The following STPG2 variants were observed in gnomAD, a reference collection of about 807,000 sequenced individuals.
The protein encoded by STPG2 is sperm tail PG-rich repeat containing 2.
In STPG2, 56 loss-of-function variants were observed where a neutral mutation model predicts 54.2. That is an observed-to-expected ratio of 1.03 (90% CI 0.83 to 1.29). The LOEUF (loss-of-function observed/expected upper bound fraction) is 1.29. Among genes scored for constraint, STPG2 ranks in the 50% most tolerant of loss-of-function variants. The pLI, the probability that STPG2 is intolerant of heterozygous loss-of-function variation, is 0.00. For synonymous variants in STPG2, 200 were observed against 181.8 expected (o/e 1.10, Z -0.81); for missense variants, 596 against 544.9 (o/e 1.09, Z -0.93).
At chr4:97,941,579 GA>G (rs1418808298) in intron 8 of STPG2, among the ~76,000 whole-genome samples, 1 of 151,946 alleles carries the variant, frequency 6.6e-6, no homozygotes, top group East Asian at 1.9e-4. Flanking sequence ...TCTTTGATAT[GA>G]AACCAGAAGT....
At chr4:97,488,655 A>T (rs1730429553) in intron 4 of STPG2, among the ~76,000 whole-genome samples, 1 of 151,732 alleles carries the variant, frequency 6.6e-6, no homozygotes, top group Non-Finnish European at 1.5e-5. Flanking sequence ...GCCATTTTCA[A>T]AAACTGGCTT....
chr4:97,928,693 T>C (rs1032556373), intron 8 of STPG2, among the ~76,000 whole-genome samples: 3 of 152,116 alleles, frequency 2.0e-5, no homozygotes, highest in Non-Finnish European at 2.9e-5. Context: ...AAGTTTAATA[T>C]AAGGCCTAAT....
intron 8 of STPG2, among the ~76,000 whole-genome samples, chr4:97,937,811 C>T (rs769386383): frequency 1.1e-4 from 16 of 152,190 alleles, no homozygotes; most frequent in Non-Finnish European, 1.8e-4. Context: ...AGTAGGAACA[C>T]TCCTGTATAT....
At chr4:97,485,988 A>T (rs1417763635) in intron 4 of STPG2, among the ~76,000 whole-genome samples, 2 of 151,910 alleles carry the variant, frequency 1.3e-5, no homozygotes, top group African/African-American at 4.8e-5. Context: ...TTGCCCAGCC[A>T]TATGTAGGAG....
At chr4:98,125,606 T>C (rs34942995) in intron 3 of STPG2, among the ~76,000 whole-genome samples, 2,109 of 152,200 alleles carry the variant, frequency 0.014, 21 homozygotes, top group Non-Finnish European at 0.021. Context: ...GTATGAGGTG[T>C]CTGGCAACCC....
intron 10 of STPG2, among the ~76,000 whole-genome samples, chr4:97,694,769 T>G (rs565243238): frequency 8.5e-6 from 1 of 118,204 alleles, no homozygotes; most frequent in South Asian, 2.9e-4. Context: ...GCCGAGATCA[T>G]GCCACTGTAC....
intron 8 of STPG2, among the ~76,000 whole-genome samples, chr4:97,848,737 C>T (rs980690175): frequency 6.6e-6 from 1 of 151,824 alleles, no homozygotes; most frequent in Admixed American, 6.6e-5. Context: ...GTTTTCCCAG[C>T]ACCATTTATT....
intron 5 of STPG2, among the ~76,000 whole-genome samples, chr4:98,007,615 T>C (rs1399261264): frequency 6.6e-6 from 1 of 151,952 alleles, no homozygotes; most frequent in Non-Finnish European, 1.5e-5. Context: ...CTAACTGAAA[T>C]AAAATTTGTG....
chr4:97,746,785 C>G (rs997197635), intron 9 of STPG2, among the ~76,000 whole-genome samples: 3 of 151,102 alleles, frequency 2.0e-5, no homozygotes, highest in African/African-American at 7.3e-5. Flanking sequence ...CTCTGTGCAC[C>G]TCGAAAGTAT....
intron 4 of STPG2, among the ~76,000 whole-genome samples, chr4:97,454,200 A>C (rs1187911295): frequency 6.6e-6 from 1 of 152,190 alleles, no homozygotes; most frequent in African/African-American, 2.4e-5. Context: ...TTTAGTGTAT[A>C]AGCTGGCATT....
chr4:97,460,039 C>A (rs972332454), intron 4 of STPG2, among the ~76,000 whole-genome samples: 1 of 152,276 alleles, frequency 6.6e-6, no homozygotes, highest in African/African-American at 2.4e-5. Context: ...CCATTCACAT[C>A]ACAATCAGGT....
intron 8 of STPG2, among the ~76,000 whole-genome samples, chr4:97,895,739 G>A (rs1216105386): frequency 1.3e-5 from 2 of 151,680 alleles, no homozygotes; most frequent in Non-Finnish European, 3.0e-5. Flanking sequence ...AGAAACAAAT[G>A]GACTTAAATA....
intron 6 of STPG2, among the ~76,000 whole-genome samples, chr4:97,977,279 A>G (rs1335695398): frequency 2.0e-5 from 3 of 152,230 alleles, no homozygotes; most frequent in Non-Finnish European, 2.9e-5. Flanking sequence ...AGCTATAGCT[A>G]AACTGCTATA....
chr4:97,691,560 C>A (rs1408762083), intron 10 of STPG2, among the ~76,000 whole-genome samples: 1 of 152,114 alleles, frequency 6.6e-6, no homozygotes, highest in Non-Finnish European at 1.5e-5. Flanking sequence ...ACACACCTAA[C>A]CCTGCCTCCA....
chr4:97,967,185 C>CAAAA (rs58042990), intron 7 of STPG2, among the ~76,000 whole-genome samples: 15 of 107,184 alleles, frequency 1.4e-4, no homozygotes, highest in African/African-American at 2.5e-4. Context: ...AAATGGTAAG[C>CAAAA]AAAAAAAAAA....
intron 8 of STPG2, among the ~76,000 whole-genome samples, chr4:97,915,878 T>C (rs952800537): frequency 1.3e-5 from 2 of 152,100 alleles, no homozygotes; most frequent in African/African-American, 4.8e-5. Context: ...AAGATCACCA[T>C]GGCAATAATG....
At chr4:97,612,345 T>C (rs1339639144) in intron 10 of STPG2, among the ~76,000 whole-genome samples, 2 of 151,702 alleles carry the variant, frequency 1.3e-5, no homozygotes, top group African/African-American at 2.4e-5. Context: ...CATTTACTGC[T>C]GGCCAGAAGG....
At position 97,690,667 on chromosome 4, in the gene STPG2, C is replaced by G. The variant is rs144326199; in HGVS notation, c.1320+22032G>C. Among the ~76,000 whole-genome samples the G allele has an allele frequency of 2.8e-3, 421 of 152,138 alleles. 3 individuals carry two copies. Among genetic ancestry groups the G allele is most frequent in the African/African-American group, 9.2e-3 (384 of 41,518 alleles). Reference sequence around the variant, plus strand: ...AGGTGTTCAAGCTTGTTTAAGCAACCCTGGTTGAATATAGGTGCTATTCAT... The same window carrying G: ...AGGTGTTCAAGCTTGTTTAAGCAACGCTGGTTGAATATAGGTGCTATTCAT... On this transcript the variant is annotated intron_variant, in intron 10 of 10. Transcript: ENST00000295268.
intron 8 of STPG2, among the ~76,000 whole-genome samples, chr4:97,939,020 T>C (rs1732871592): frequency 6.6e-6 from 1 of 152,200 alleles, no homozygotes; most frequent in African/African-American, 2.4e-5. Context: ...TTTGTTCTCA[T>C]TATGTTCAAA....
Sources: allele counts gnomAD v4.1 joint callset (sites outside exome capture counted in the v4.1 genomes callset), GRCh38; gene constraint gnomAD v4.1.1; transcripts MANE v1.5; gene names NCBI Gene and HGNC (gene_info 2026-07-23, HGNC 2026-07-21).